DYRK1A: variants seen among roughly 807,000 people sequenced by gnomAD.
DYRK1A encodes the protein dual specificity tyrosine-phosphorylation-regulated kinase 1A.
DYRK1A carries 9 observed loss-of-function variants against 79.7 expected under a neutral mutation model. The observed-to-expected ratio is 0.11, with a 90% confidence interval of 0.07 to 0.20. The LOEUF (loss-of-function observed/expected upper bound fraction) is 0.20. DYRK1A is among the 10% of genes least tolerant of loss of function. DYRK1A has a pLI of 1.00. For missense variants in DYRK1A, 622 were observed against 956.0 expected, an observed-to-expected ratio of 0.65 and a Z score of 4.61; for synonymous variants, 349 against 329.7, an observed-to-expected ratio of 1.06 and a Z score of -0.63.
intron 1 of DYRK1A, among the ~76,000 whole-genome samples, chr21:37,385,784 C>G (rs1448960617): frequency 1.3e-5 from 2 of 152,128 alleles, no homozygotes; most frequent in Non-Finnish European, 2.9e-5. Flanking sequence ...ATACCATGTT[C>G]TTCTAGTTAA....
In DYRK1A at chr21:37,465,872, A is replaced by G. The variant is rs527686134; in HGVS notation, c.11-6812A>G. On this transcript the variant is annotated intron_variant, in intron 2 of 11. Coordinates refer to ENST00000647188, the MANE Select transcript of DYRK1A (RefSeq NM_001347721.2). The stretch of plus-strand genomic sequence containing the variant: ...AAGGAAATGTTGACTTTCAAGCTCT[A>G]CTGAATCAGAACCGTCATTTTTAAA... Among the ~76,000 whole-genome samples the G allele has an allele frequency of 1.4e-4, 22 of 152,234 alleles. No homozygotes were observed. The South Asian group carries it at 4.6e-3, about 32-fold the overall frequency.
At chr21:37,384,222 G>A (rs2049715288) in intron 1 of DYRK1A, among the ~76,000 whole-genome samples, 1 of 152,170 alleles carries the variant, frequency 6.6e-6, no homozygotes, top group South Asian at 2.1e-4. Flanking sequence ...AGAGAGGAGG[G>A]AGCTATACTG....
intron 1 of DYRK1A, among the ~76,000 whole-genome samples, chr21:37,411,446 C>T (rs1004870929): frequency 6.7e-6 from 1 of 150,364 alleles, no homozygotes; most frequent in Non-Finnish European, 1.5e-5. Flanking sequence ...ACAAGAAAAC[C>T]CCACCTATAA....
At chr21:37,375,519 CTTTTTTT>C (rs58948987) in intron 1 of DYRK1A, among the ~76,000 whole-genome samples, 184 of 81,446 alleles carry the variant, frequency 2.3e-3, no homozygotes, top group African/African-American at 7.4e-3. Context: ...AGGAATATTA[CTTTTTTT>C]TTTTTTTTTT....
At chr21:37,397,824 T>C (rs2049983009) in intron 1 of DYRK1A, among the ~76,000 whole-genome samples, 1 of 152,122 alleles carries the variant, frequency 6.6e-6, no homozygotes, top group Non-Finnish European at 1.5e-5. Context: ...ACCTTAGCCA[T>C]CTGTGCCCCA....
intron 9 of DYRK1A, among the ~76,000 whole-genome samples, chr21:37,499,835 A>G (rs80030750): frequency 1.3e-5 from 2 of 152,224 alleles, no homozygotes; most frequent in Non-Finnish European, 2.9e-5. Flanking sequence ...TGAACTGCAC[A>G]GGTCCACTTG....
intron 2 of DYRK1A, among the ~76,000 whole-genome samples, chr21:37,468,271 C>A (rs2052101684): frequency 6.6e-6 from 1 of 151,908 alleles, no homozygotes; most frequent in Non-Finnish European, 1.5e-5. Context: ...GTCACCATGC[C>A]TGGCTTTTTT....
chr21:37,451,135 G>A (rs2051433724), intron 2 of DYRK1A, among the ~76,000 whole-genome samples: 2 of 152,138 alleles, frequency 1.3e-5, no homozygotes, highest in African/African-American at 4.8e-5. Context: ...TTGTACAGTT[G>A]TGCAGTGTTT....
intron 1 of DYRK1A, among the ~76,000 whole-genome samples, chr21:37,368,747 A>C (rs866088256): frequency 6.6e-6 from 1 of 152,194 alleles, no homozygotes; most frequent in Non-Finnish European, 1.5e-5. Context: ...GGACTCCAGG[A>C]GCCAGAAGGC....
rs980694102 is a variant in DYRK1A at position 37,473,015 on chromosome 21, A to G, written c.207+135A>G. On this transcript the variant is annotated intron_variant, in intron 3 of 11. Transcript: ENST00000647188. Reference sequence around the variant, plus strand: ...ACGTGGGATTATGGATTGGGAAAACATGTTAAGAAGTTTGCATTAAATTTT... The same window carrying G: ...ACGTGGGATTATGGATTGGGAAAACGTGTTAAGAAGTTTGCATTAAATTTT... 5 of 666,942 alleles carry G rather than the reference A, an allele frequency of 7.5e-6. No homozygotes were observed. The African/African-American group carries it at 7.8e-5, about 10-fold the overall frequency. 41.3% of individuals were successfully genotyped at this position (666,942 alleles called of 1,614,324 possible). A position where few individuals can be genotyped will look rare whatever the true frequency, so the allele number is the denominator to read the frequency against.
chr21:37,488,466 CTTCTTT>C (rs2052955527), intron 6 of DYRK1A: 2 of 742,342 alleles, frequency 2.7e-6, no homozygotes, highest in South Asian at 1.2e-4. Context: ...AAAACATCTA[CTTCTTT>C]ACTGTGTAGC....
At chr21:37,398,578 A>G (rs1012105700) in intron 1 of DYRK1A, among the ~76,000 whole-genome samples, 129 of 152,342 alleles carry the variant, frequency 8.5e-4, no homozygotes, top group African/African-American at 3.1e-3. Flanking sequence ...TAATTTATAG[A>G]TACTTTTGTT....
chr21:37,510,474 A>G (rs1474245116), intron 11 of DYRK1A, among the ~76,000 whole-genome samples: 2 of 152,252 alleles, frequency 1.3e-5, no homozygotes, highest in Non-Finnish European at 2.9e-5. Context: ...AAATAAAATG[A>G]ACATGAAGAA....
chr21:37,388,654 A>AT (rs34307432), intron 1 of DYRK1A, among the ~76,000 whole-genome samples: 2,337 of 140,690 alleles, frequency 0.017, 62 homozygotes, highest in African/African-American at 0.055. Context: ...TTTTTTCTCC[A>AT]TTTTTTTTTT....
chr21:37,386,157 C>G (rs1426114182), intron 1 of DYRK1A, among the ~76,000 whole-genome samples: 1 of 152,084 alleles, frequency 6.6e-6, no homozygotes, highest in Non-Finnish European at 1.5e-5. Context: ...AGTTTCCACT[C>G]TTAGATTTTA....
intron 1 of DYRK1A, among the ~76,000 whole-genome samples, chr21:37,393,305 A>G (rs1275087488): frequency 6.6e-6 from 1 of 152,200 alleles, no homozygotes; most frequent in African/African-American, 2.4e-5. Flanking sequence ...GTAAGGGTAC[A>G]AGTAGTTTCA....
chr21:37,388,123 A>G (rs1031533536), intron 1 of DYRK1A, among the ~76,000 whole-genome samples: 6 of 32,004 alleles, frequency 1.9e-4, no homozygotes, highest in Non-Finnish European at 4.0e-4. Flanking sequence ...TTTTTTTTTT[A>G]CTCTTGCCCA....
chr21:37,395,268 T>G (rs2049939890), intron 1 of DYRK1A, among the ~76,000 whole-genome samples: 1 of 152,216 alleles, frequency 6.6e-6, no homozygotes, highest in South Asian at 2.1e-4. Flanking sequence ...CCTAAGTATC[T>G]TAGCAGAGGT....
At chr21:37,500,258 C>G (rs951988529) in intron 9 of DYRK1A, among the ~76,000 whole-genome samples, 19 of 151,866 alleles carry the variant, frequency 1.3e-4, no homozygotes, top group African/African-American at 4.4e-4. Context: ...TATGATTTTT[C>G]TCCTGTTTTG....
Sources: gnomAD v4.1 joint callset for allele counts (sites outside exome capture counted in the v4.1 genomes callset) on GRCh38, gnomAD v4.1.1 for gene constraint, MANE v1.5 for transcripts, NCBI Gene and HGNC (gene_info 2026-07-23, HGNC 2026-07-21) for gene names.